Variants in SLC24A2 observed in about 807,000 individuals in gnomAD.
SLC24A2 encodes the protein solute carrier family 24 member 2.
A neutral mutation model predicts 62.0 loss-of-function variants in SLC24A2; 36 were observed. The ratio of observed to expected loss-of-function variants is 0.58; its 90% confidence interval spans 0.44 to 0.77. The LOEUF (loss-of-function observed/expected upper bound fraction) is 0.77. Ranked by LOEUF, SLC24A2 falls within the 30% of genes least tolerant of loss-of-function variation. SLC24A2 has a pLI of 0.00. For missense variants in SLC24A2, 846 were observed against 817.9 expected (o/e 1.03, Z -0.42); for synonymous variants, 358 against 294.0 (o/e 1.22, Z -2.23).
chr9:19,636,424 T>TTC (rs879519167), intron 2 of SLC24A2, among the ~76,000 whole-genome samples: 4,383 of 16,584 alleles, frequency 0.26, 762 homozygotes, highest in African/African-American at 0.36. Context: ...TCTTTCCTCT[T>TTC]CTCTTCTCTT....
intron 4 of SLC24A2, among the ~76,000 whole-genome samples, chr9:19,613,786 G>A (rs1043160217): frequency 1.3e-5 from 2 of 152,138 alleles, no homozygotes; most frequent in Non-Finnish European, 2.9e-5. Flanking sequence ...TACACAAGGA[G>A]GCAGAGTAGC....
intron 2 of SLC24A2, among the ~76,000 whole-genome samples, chr9:19,687,118 G>C (rs1051306139): frequency 2.0e-5 from 3 of 151,936 alleles, no homozygotes; most frequent in Admixed American, 6.6e-5. Context: ...ATAAACACCA[G>C]GGCCTACTTA....
At chr9:19,569,236 A>T (rs546287010) in intron 7 of SLC24A2, among the ~76,000 whole-genome samples, 3 of 152,290 alleles carry the variant, frequency 2.0e-5, no homozygotes, top group South Asian at 2.1e-4. Flanking sequence ...GTAAAAACCC[A>T]TTCTTGTCTC....
At chr9:20,075,575 T>G in the SLC24A2 span, among the ~76,000 whole-genome samples, 7 of 152,170 alleles carry the variant, frequency 4.6e-5, no homozygotes, top group Non-Finnish European at 1.0e-4. Flanking sequence ...TCACCCTTTT[T>G]ATAGGCTATG....
chr9:20,236,127 A>T, the SLC24A2 span, among the ~76,000 whole-genome samples: 1 of 152,202 alleles, frequency 6.6e-6, no homozygotes, highest in African/African-American at 2.4e-5. Context: ...TAAAGTATCT[A>T]TCAGCAGCAG....
chr9:19,634,366 G>A (rs1307243904), intron 2 of SLC24A2, among the ~76,000 whole-genome samples: 4 of 134,436 alleles, frequency 3.0e-5, no homozygotes. Context: ...TCAGCTCAAT[G>A]CAAACTCCAC....
At chr9:19,698,707 A>C (rs1465894749) in intron 2 of SLC24A2, among the ~76,000 whole-genome samples, 1 of 152,188 alleles carries the variant, frequency 6.6e-6, no homozygotes, top group East Asian at 1.9e-4. Context: ...CATCAGTATG[A>C]AAGGTGGGAA....
At chr9:19,761,879 C>T (rs978716830) in intron 2 of SLC24A2, among the ~76,000 whole-genome samples, 8 of 152,124 alleles carry the variant, frequency 5.3e-5, no homozygotes, top group East Asian at 3.8e-4. Flanking sequence ...TCCAGTCTAT[C>T]GTTGTTGGAC....
intron 7 of SLC24A2, among the ~76,000 whole-genome samples, chr9:19,567,145 TAAAA>T (rs542321833): frequency 4.6e-5 from 6 of 131,106 alleles, no homozygotes; most frequent in African/African-American, 1.4e-4. Flanking sequence ...TAAAGTATAA[TAAAA>T]AAAATAAACC....
the SLC24A2 span, among the ~76,000 whole-genome samples, chr9:19,990,819 G>A: frequency 2.0e-5 from 3 of 146,450 alleles, no homozygotes; most frequent in African/African-American, 7.6e-5. Context: ...TATGCTACCT[G>A]CCTATTGTTA....
the SLC24A2 span, among the ~76,000 whole-genome samples, chr9:20,045,138 G>C: frequency 3.3e-5 from 5 of 152,078 alleles, no homozygotes; most frequent in Non-Finnish European, 5.9e-5. Flanking sequence ...CTATGCATTT[G>C]GCAAAAATTT....
the SLC24A2 span, among the ~76,000 whole-genome samples, chr9:20,166,264 T>C: frequency 6.6e-6 from 1 of 151,946 alleles, no homozygotes; most frequent in African/African-American, 2.4e-5. Context: ...TATAAATCTA[T>C]CTTGAAATTA....
the SLC24A2 span, among the ~76,000 whole-genome samples, chr9:20,145,580 T>C: frequency 6.6e-6 from 1 of 151,188 alleles, no homozygotes; most frequent in Non-Finnish European, 1.5e-5. Flanking sequence ...AGTAAATTGC[T>C]CCTATGATTC....
chr9:19,889,117 C>T, the SLC24A2 span, among the ~76,000 whole-genome samples: 1 of 152,206 alleles, frequency 6.6e-6, no homozygotes, highest in Non-Finnish European at 1.5e-5. Flanking sequence ...ACCTTCAGAG[C>T]ACCTTGGCTG....
intron 5 of SLC24A2, among the ~76,000 whole-genome samples, chr9:19,590,480 G>A (rs921803186): frequency 2.6e-5 from 4 of 152,052 alleles, no homozygotes; most frequent in Admixed American, 6.5e-5. Context: ...TCTCCATCCT[G>A]CCCTTCCTTA....
rs1284922827 is a variant in SLC24A2 at position 19,511,191 on chromosome 9, A to T, written c.*4962T>A. 1 of 152,130 alleles carries T rather than the reference A, an allele frequency of 6.6e-6. No homozygotes were observed. Among genetic ancestry groups the T allele is most frequent in the Non-Finnish European group, 1.5e-5 (1 of 68,046 alleles). The allele number at this position is 152,130 out of a possible 1,614,324, so 9.4% of individuals were successfully genotyped here. ...TATTGCCATGGTGTAATCATAAGTA[A>T]TAGAGTTGAGCTGGCTGTGAGTAGT... On this transcript the variant is annotated 3_prime_UTR_variant, in exon 11 of 11. Transcript: ENST00000341998.
At chr9:20,089,888 A>AC in the SLC24A2 span, among the ~76,000 whole-genome samples, 1 of 151,474 alleles carries the variant, frequency 6.6e-6, no homozygotes, top group Non-Finnish European at 1.5e-5. Context: ...AACAAGCGCA[A>AC]CCCCAAGCTC....
At chr9:19,603,128 C>T (rs763644567) in intron 4 of SLC24A2, among the ~76,000 whole-genome samples, 3 of 151,022 alleles carry the variant, frequency 2.0e-5, no homozygotes, top group Non-Finnish European at 4.4e-5. Flanking sequence ...TCTGTTTGAG[C>T]TCTTCTAATA....
At chr9:19,580,727 C>A (rs550776162) in intron 5 of SLC24A2, among the ~76,000 whole-genome samples, 25 of 152,312 alleles carry the variant, frequency 1.6e-4, no homozygotes, top group Non-Finnish European at 3.1e-4. Context: ...AGCCCTAGCT[C>A]TCTCACTGTC....
Sources: gnomAD v4.1 joint callset for allele counts (sites outside exome capture counted in the v4.1 genomes callset) on GRCh38, gnomAD v4.1.1 for gene constraint, MANE v1.5 for transcripts, NCBI Gene and HGNC (gene_info 2026-07-23, HGNC 2026-07-21) for gene names.